The following PHF3 variants were observed in gnomAD, a reference collection of about 807,000 sequenced individuals.
PHF3 encodes the protein PHD finger protein 3.
PHF3 carries 41 observed loss-of-function variants against 178.4 expected under a neutral mutation model. That is an observed-to-expected ratio of 0.23 (90% confidence interval 0.18 to 0.30). The LOEUF is 0.30. Among genes scored for constraint, PHF3 ranks in the 10% least tolerant of loss-of-function variants. PHF3 has a pLI of 1.00. For synonymous variants in PHF3, 842 were observed against 800.5 expected, an observed-to-expected ratio of 1.05 and a Z score of -0.88; for missense variants, 2,346 against 2,398.1, an observed-to-expected ratio of 0.98 and a Z score of 0.45.
In PHF3 at chr6:63,712,599, G is replaced by A; in HGVS notation, c.5011G>A (p.Asp1671Asn). 1 of 1,613,948 alleles carries A rather than the reference G, an allele frequency of 6.2e-7. No homozygotes were observed. The highest frequency in any genetic ancestry group is 8.5e-7 in the Non-Finnish European group (1 of 1,179,950). The change falls in exon 16 of 16, where the codon GAT (aspartate) becomes AAT (asparagine). Residue 1671 changes from aspartate (D) to asparagine (N), a missense_variant. Physicochemically the swap from Asp to Asn is conservative, Grantham distance 23. This residue lies in a region of PHF3 where 839 missense variants were observed against 806.9 expected (regional missense o/e 1.04). Coordinates refer to ENST00000262043, the MANE Select transcript of PHF3 (RefSeq NM_001370348.2). ...AACTACTTCAGAAAGCAAAGATGGA[G>A]ATAGTTGCCGGAATGGAGAAAAACA... ...PVTTSESKDG[D>N]SCRNGEKHML...
At chr6:63,697,348 A>G (rs955580908) in intron 6 of PHF3, among the ~76,000 whole-genome samples, 3 of 152,126 alleles carry the variant, frequency 2.0e-5, no homozygotes, top group African/African-American at 7.2e-5. Flanking sequence ...AGAAGGAGGT[A>G]TTGTTGGTTT....
At chr6:63,691,284 A>G (rs1258913032) in intron 4 of PHF3, among the ~76,000 whole-genome samples, 3 of 152,106 alleles carry the variant, frequency 2.0e-5, no homozygotes, top group East Asian at 1.9e-4. Context: ...TGGATAAACA[A>G]TTCTTCCCAA....
At chr6:63,666,262 T>G (rs1020089940) in intron 2 of PHF3, among the ~76,000 whole-genome samples, 1 of 152,170 alleles carries the variant, frequency 6.6e-6, no homozygotes, top group Admixed American at 6.5e-5. Context: ...CCTGACAAAC[T>G]TTGACTTTTA....
intron 2 of PHF3, among the ~76,000 whole-genome samples, chr6:63,651,515 C>T (rs1347758883): frequency 3.3e-5 from 5 of 152,128 alleles, no homozygotes; most frequent in Admixed American, 3.3e-4. Flanking sequence ...GGGCCTGCCA[C>T]CATGCCCAGC....
intron 1 of PHF3, among the ~76,000 whole-genome samples, chr6:63,643,317 C>T (rs1256853499): frequency 6.6e-6 from 1 of 152,122 alleles, no homozygotes; most frequent in African/African-American, 2.4e-5. Flanking sequence ...ATGAATTATA[C>T]CTCCAGTAAA....
intron 3 of PHF3, 75 bp downstream of exon 3, chr6:63,680,236 G>A (rs1766371838): frequency 1.6e-6 from 2 of 1,219,674 alleles, no homozygotes. Flanking sequence ...AACCTGCTGA[G>A]CAGAAATCAT....
intron 12 of PHF3, 21 bp downstream of exon 12, chr6:63,706,245 T>TTATAGA: frequency 3.2e-6 from 5 of 1,575,314 alleles, no homozygotes; most frequent in Non-Finnish European, 4.3e-6. Context: ...CTGTTGTAAA[T>TTATAGA]TCTGTAATAC....
intron 14 of PHF3, 136 bp from the exon 15 acceptor site, chr6:63,711,031 T>G: frequency 1.8e-6 from 1 of 561,310 alleles, no homozygotes; most frequent in Non-Finnish European, 3.0e-6. Flanking sequence ...TCTTCTGTAT[T>G]TAAGTTGGTA....
intron 8 of PHF3, 45 bp from the exon 9 acceptor site, chr6:63,700,305 A>G (rs1767417729): frequency 1.1e-6 from 1 of 899,942 alleles, no homozygotes; most frequent in Non-Finnish European, 1.8e-6. Flanking sequence ...GTAGCCACTC[A>G]AAATGTTTGT....
rs1292738611 is a variant in PHF3 at position 63,721,158 on chromosome 6, T to C, written c.*7450T>C. On this transcript the variant is annotated 3_prime_UTR_variant, in exon 16 of 16. Transcript: ENST00000262043. ...TTTAATGTAAGAATTACCCATAAAT[T>C]TTGCAGTTGAAAATGAAGTTTTGTT... 2 of 1,551,566 alleles carry C rather than the reference T, an allele frequency of 1.3e-6. No individual in the cohort carries two copies. Among genetic ancestry groups the C allele is most frequent in the Admixed American group, 3.9e-5 (2 of 50,982 alleles).
chr6:63,665,431 T>G (rs1765635706), intron 2 of PHF3, among the ~76,000 whole-genome samples: 1 of 151,840 alleles, frequency 6.6e-6, no homozygotes, highest in Non-Finnish European at 1.5e-5. Flanking sequence ...ATAAAGATTT[T>G]AATAATCACT....
intron 10 of PHF3, among the ~76,000 whole-genome samples, chr6:63,702,949 C>T (rs1767537231): frequency 6.6e-6 from 1 of 152,180 alleles, no homozygotes; most frequent in Non-Finnish European, 1.5e-5. Flanking sequence ...GCAATCTCGG[C>T]TCACTGCAAC....
intron 1 of PHF3, among the ~76,000 whole-genome samples, chr6:63,641,671 T>C (rs955546752): frequency 2.0e-5 from 3 of 151,900 alleles, no homozygotes; most frequent in African/African-American, 7.3e-5. Flanking sequence ...GAGTTTTGTT[T>C]TTGTCTTCCA....
chr6:63,649,052 T>C (rs1203408588), intron 2 of PHF3, among the ~76,000 whole-genome samples: 1 of 151,894 alleles, frequency 6.6e-6, no homozygotes, highest in Non-Finnish European at 1.5e-5. Context: ...TTTTGTTAGA[T>C]TTAAGAGATA....
chr6:63,721,725 A>G lies in PHF3; in HGVS notation c.*8017A>G. ...AGTTACTTTTTGGAGAGTTTCTAGA[A>G]TGATAGTTCTGTCGCCAAGGTTGTA... On this transcript the variant is annotated 3_prime_UTR_variant, in exon 16 of 16. Coordinates refer to ENST00000262043, the MANE Select transcript of PHF3 (RefSeq NM_001370348.2). The G allele has an allele frequency of 6.4e-7, 1 of 1,551,190 alleles. No homozygotes were observed.
intron 1 of PHF3, among the ~76,000 whole-genome samples, chr6:63,645,688 C>T (rs1235711340): frequency 6.6e-6 from 1 of 152,152 alleles, no homozygotes; most frequent in African/African-American, 2.4e-5. Flanking sequence ...ACTGATTTAA[C>T]TTAATTGTTT....
In PHF3 at chr6:63,703,637, G is replaced by A. The variant is rs761595048; in HGVS notation, c.3333G>A (p.Gln1111=). The A allele has an allele frequency of 2.9e-5, 47 of 1,605,134 alleles. No homozygotes were observed. The highest frequency in any genetic ancestry group is 5.2e-5 in the Admixed American group (3 of 57,562). Residue 1111 remains glutamine, a synonymous_variant, in exon 11 of 16, where the codon CAG becomes CAA. Transcript: ENST00000262043. ...MSKDTTSQHR[Q]HLFDLNCKIC... ...AAGATACCACTAGTCAACACAGACA[G>A]CATCTTTTTGATCTCAACTGCAAAA...
At chr6:63,662,947 A>G (rs964050773) in intron 2 of PHF3, among the ~76,000 whole-genome samples, 2 of 152,210 alleles carry the variant, frequency 1.3e-5, no homozygotes, top group Admixed American at 6.5e-5. Context: ...GTTGGTACCA[A>G]TCTCAGAAGA....
chr6:63,662,199 C>T (rs1421135468), intron 2 of PHF3, among the ~76,000 whole-genome samples: 1 of 152,088 alleles, frequency 6.6e-6, no homozygotes, highest in Non-Finnish European at 1.5e-5. Context: ...TGAAACTGGT[C>T]CCGGGTGCCA....
Sources: gnomAD v4.1 joint callset for allele counts (sites outside exome capture counted in the v4.1 genomes callset) on GRCh38, gnomAD v4.1.1 for gene constraint, gnomAD v4.1.1 regional missense constraint, MANE v1.5 for transcripts, NCBI Gene and HGNC (gene_info 2026-07-23, HGNC 2026-07-21) for gene names.